TSNARE1: variants seen among roughly 807,000 people sequenced by gnomAD.
TSNARE1 encodes the protein t-SNARE domain containing 1.
TSNARE1 carries 49 observed loss-of-function variants against 62.0 expected under a neutral mutation model. That is an observed-to-expected ratio of 0.79 (90% CI 0.63 to 1.00). The LOEUF (loss-of-function observed/expected upper bound fraction) is 1.00. Ranked by LOEUF, TSNARE1 falls within the 50% of genes least tolerant of loss-of-function variation. The pLI is 0.00. For synonymous variants in TSNARE1, 328 were observed against 294.4 expected, an observed-to-expected ratio of 1.11 and a Z score of -1.17; for missense variants, 755 against 700.1, an observed-to-expected ratio of 1.08 and a Z score of -0.88.
intron 12 of TSNARE1, among the ~76,000 whole-genome samples, chr8:142,232,736 C>T (rs1189476082): frequency 1.3e-5 from 2 of 152,208 alleles, no homozygotes; most frequent in Non-Finnish European, 1.5e-5. Context: ...AGGGAAGAGG[C>T]GGGCGCAGGC....
At chr8:142,384,918 T>C (rs940688579) in intron 1 of TSNARE1, among the ~76,000 whole-genome samples, 2 of 152,166 alleles carry the variant, frequency 1.3e-5, no homozygotes, top group African/African-American at 4.8e-5. Context: ...GGAGAAAATA[T>C]GTGCCAGTCA....
rs1051267735 is a variant in TSNARE1 at position 142,277,962 on chromosome 8, G to A, written c.1364-3099C>T. ...TTGCCATGAAGCACCCCCAAACCAG[G>A]TCTGCCTCTGCCCATAGGACCCTTG... On this transcript the variant is annotated intron_variant, in intron 11 of 13. Coordinates refer to ENST00000524325, the MANE Select transcript of TSNARE1 (RefSeq NM_145003.5). 11 of 985,250 alleles carry A rather than the reference G, an allele frequency of 1.1e-5. No individual in the cohort carries two copies. In the African/African-American group the frequency reaches 1.9e-4, roughly 17 times the overall value. The allele number at this position is 985,250 out of a possible 1,614,324, so 61.0% of individuals were successfully genotyped here.
At chr8:142,379,204 G>A (rs999881282) in intron 1 of TSNARE1, among the ~76,000 whole-genome samples, 6 of 152,218 alleles carry the variant, frequency 3.9e-5, no homozygotes, top group Non-Finnish European at 8.8e-5. Context: ...CTGTATAGTG[G>A]GCATGCCTCA....
At chr8:142,289,067 T>C (rs148050037) in intron 10 of TSNARE1, among the ~76,000 whole-genome samples, 127 of 152,334 alleles carry the variant, frequency 8.3e-4, no homozygotes, top group Non-Finnish European at 8.1e-4. Context: ...TTAAGACGCC[T>C]GGCACTCAAA....
chr8:142,369,109 G>A (rs956259239), intron 1 of TSNARE1, among the ~76,000 whole-genome samples: 1 of 152,230 alleles, frequency 6.6e-6, no homozygotes, highest in Non-Finnish European at 1.5e-5. Context: ...ACAGCCAGCA[G>A]ACGCAGCTAC....
intron 1 of TSNARE1, among the ~76,000 whole-genome samples, chr8:142,374,635 G>A (rs1402861169): frequency 6.6e-6 from 1 of 151,344 alleles, no homozygotes; most frequent in Admixed American, 6.6e-5. Context: ...AGCCAAGATT[G>A]GGCCACTGCA....
chr8:142,328,729 G>A (rs1231076204), intron 6 of TSNARE1, among the ~76,000 whole-genome samples: 1 of 152,002 alleles, frequency 6.6e-6, no homozygotes, highest in African/African-American at 2.4e-5. Context: ...AGACAGAAGT[G>A]CGTGAGCTGA....
intron 2 of TSNARE1, among the ~76,000 whole-genome samples, chr8:142,349,832 C>T (rs1018037648): frequency 1.3e-5 from 2 of 152,196 alleles, no homozygotes; most frequent in African/African-American, 4.8e-5. Context: ...TCACAAAGCT[C>T]ATGAGCAGCA....
intron 2 of TSNARE1, among the ~76,000 whole-genome samples, chr8:142,352,666 C>T (rs1028103322): frequency 1.3e-5 from 2 of 152,374 alleles, no homozygotes; most frequent in Non-Finnish European, 2.9e-5. Flanking sequence ...GTAAAAGCAG[C>T]ACGACACGGA....
intron 1 of TSNARE1, among the ~76,000 whole-genome samples, chr8:142,355,185 G>A (rs766504965): frequency 2.0e-5 from 3 of 152,348 alleles, no homozygotes; most frequent in East Asian, 1.9e-4. Context: ...CTGAGAACCC[G>A]GCACCCATGC....
chr8:142,280,372 G>C, intron 11 of TSNARE1: 1 of 975,376 alleles, frequency 1.0e-6, no homozygotes, highest in Non-Finnish European at 1.2e-6. Flanking sequence ...CCTGGGGAGA[G>C]CAGCCAGGTT....
intron 13 of TSNARE1, among the ~76,000 whole-genome samples, chr8:142,217,303 AAAAGAAAG>A (rs140047050): frequency 0.037 from 4,738 of 126,606 alleles, 119 homozygotes; most frequent in Middle Eastern, 0.06. Flanking sequence ...GAAAGAAAGA[AAAAGAAAG>A]AAAGAAAGAA....
intron 1 of TSNARE1, among the ~76,000 whole-genome samples, chr8:142,365,532 C>G (rs1835470562): frequency 6.6e-6 from 1 of 151,550 alleles, no homozygotes; most frequent in African/African-American, 2.4e-5. Context: ...ATTTGGGGAT[C>G]AAGGAGCATC....
chr8:142,270,004 C>T (rs1819380413), intron 12 of TSNARE1: 1 of 985,348 alleles, frequency 1.0e-6, no homozygotes, highest in African/African-American at 1.7e-5. Flanking sequence ...TCCCCGGAAG[C>T]TCCTGGGACC....
At chr8:142,355,076 A>AC (rs1363166158) in intron 1 of TSNARE1, among the ~76,000 whole-genome samples, 1 of 151,558 alleles carries the variant, frequency 6.6e-6, no homozygotes, top group Admixed American at 6.6e-5. Flanking sequence ...TTAAAGACCA[A>AC]CCCCCACCGC....
At chr8:142,296,037 CGGGGGAGGGGGTGATGACTGTCAT>C (rs1824623663) in intron 10 of TSNARE1, among the ~76,000 whole-genome samples, 1 of 23,358 alleles carries the variant, frequency 4.3e-5, no homozygotes, top group Non-Finnish European at 7.3e-5. Context: ...GTCACTGTCA[CGGGGGAGGGGGTGATGACTGTCAT>C]GGGGGAAGGG....
At chr8:142,365,919 T>C (rs564088468) in intron 1 of TSNARE1, 10 of 453,412 alleles carry the variant, frequency 2.2e-5, no homozygotes, top group African/African-American at 1.6e-4. Context: ...ACCATGTTCA[T>C]GGACAGGAAC....
At chr8:142,265,785 C>T (rs1268267450) in intron 12 of TSNARE1, among the ~76,000 whole-genome samples, 4 of 152,220 alleles carry the variant, frequency 2.6e-5, no homozygotes, top group Non-Finnish European at 2.9e-5. Flanking sequence ...AGTGGCATCG[C>T]GGTGTGGGCT....
chr8:142,359,493 A>C (rs548506299), intron 1 of TSNARE1, among the ~76,000 whole-genome samples: 14 of 152,118 alleles, frequency 9.2e-5, no homozygotes, highest in Non-Finnish European at 1.5e-4. Context: ...AAAGAACAAG[A>C]AGCCCAGCCC....
Sources: allele counts gnomAD v4.1 joint callset (sites outside exome capture counted in the v4.1 genomes callset), GRCh38; gene constraint gnomAD v4.1.1; transcripts MANE v1.5; gene names NCBI Gene and HGNC (gene_info 2026-07-23, HGNC 2026-07-21).